CFAP299: variants seen among roughly 807,000 people sequenced by gnomAD.
CFAP299 encodes the protein cilia and flagella associated protein 299.
A neutral mutation model predicts 27.0 loss-of-function variants in CFAP299; 21 were observed. The ratio of observed to expected loss-of-function variants is 0.78; its 90% CI spans 0.55 to 1.12. The LOEUF is 1.12. Ranked by LOEUF, CFAP299 falls within the 50% of genes most tolerant of loss-of-function variation. The pLI is 0.00. For synonymous variants in CFAP299, 104 were observed against 98.1 expected (o/e 1.06, Z -0.36); for missense variants, 310 against 276.6 (o/e 1.12, Z -0.86).
chr4:80,688,567 A>T (rs1277157987), intron 3 of CFAP299, among the ~76,000 whole-genome samples: 1 of 152,240 alleles, frequency 6.6e-6, no homozygotes, highest in African/African-American at 2.4e-5. Flanking sequence ...CAAAGACAAA[A>T]GTAGATAAAA....
At chr4:80,365,509 C>T (rs190803418) in intron 2 of CFAP299, among the ~76,000 whole-genome samples, 594 of 152,296 alleles carry the variant, frequency 3.9e-3, no homozygotes, top group Middle Eastern at 6.8e-3. Flanking sequence ...GAGAAAGGGG[C>T]ATTCTGCTTA....
chr4:80,952,652 G>A (rs1448499841), intron 5 of CFAP299, among the ~76,000 whole-genome samples: 4 of 151,860 alleles, frequency 2.6e-5, no homozygotes, highest in Admixed American at 2.6e-4. Context: ...AGACACATAA[G>A]GTTTAAAATT....
At chr4:80,565,415 A>G (rs1211899016) in intron 2 of CFAP299, among the ~76,000 whole-genome samples, 1 of 152,088 alleles carries the variant, frequency 6.6e-6, no homozygotes, top group Non-Finnish European at 1.5e-5. Context: ...TAAAAACAAT[A>G]TGAACAGTTG....
chr4:80,912,659 C>A (rs903038359), intron 4 of CFAP299, among the ~76,000 whole-genome samples: 2 of 152,160 alleles, frequency 1.3e-5, no homozygotes, highest in African/African-American at 4.8e-5. Flanking sequence ...CAGTGGTTAA[C>A]CCAGAGCTCT....
chr4:80,560,014 G>A (rs1734962010), intron 2 of CFAP299, among the ~76,000 whole-genome samples: 1 of 152,050 alleles, frequency 6.6e-6, no homozygotes, highest in Non-Finnish European at 1.5e-5. Flanking sequence ...GGGAGTGCTG[G>A]CAACATCCCT....
chr4:80,512,163 TAAA>T, intron 2 of CFAP299, among the ~76,000 whole-genome samples: 1 of 152,102 alleles, frequency 6.6e-6, no homozygotes, highest in East Asian at 1.9e-4. Flanking sequence ...GAGGAAATAG[TAAA>T]AAATCAATTT....
At chr4:80,799,436 T>C (rs1560416514) in intron 3 of CFAP299, among the ~76,000 whole-genome samples, 1 of 92,302 alleles carries the variant, frequency 1.1e-5, no homozygotes, top group African/African-American at 4.6e-5. Flanking sequence ...ATAATATATA[T>C]AATATTTATA....
chr4:80,591,151 T>G (rs1217103668), intron 3 of CFAP299, among the ~76,000 whole-genome samples: 2 of 131,422 alleles, frequency 1.5e-5, no homozygotes, highest in Non-Finnish European at 1.6e-5. Context: ...TGAGACGGAG[T>G]CTCGCTCTGT....
At chr4:80,442,199 C>T (rs563351375) in intron 2 of CFAP299, among the ~76,000 whole-genome samples, 2 of 152,204 alleles carry the variant, frequency 1.3e-5, no homozygotes, top group African/African-American at 4.8e-5. Context: ...GAGCTCTGGA[C>T]CAAGCAGACC....
At chr4:80,957,707 A>T (rs1337548284) in intron 5 of CFAP299, among the ~76,000 whole-genome samples, 1 of 152,186 alleles carries the variant, frequency 6.6e-6, no homozygotes, top group Non-Finnish European at 1.5e-5. Flanking sequence ...ATTGTAATAT[A>T]GATCATAAGT....
intron 4 of CFAP299, among the ~76,000 whole-genome samples, chr4:80,937,308 C>CTTTATTTTTTTTTTTTT (rs1736948672): frequency 1.1e-5 from 1 of 90,784 alleles, no homozygotes; most frequent in African/African-American, 5.1e-5. Context: ...CTTTTTTTTT[C>CTTTATTTTTTTTTTTTT]TTTCTTTTTT....
upstream of CFAP299, among the ~76,000 whole-genome samples, chr4:80,332,300 G>A (rs956809708): frequency 2.0e-5 from 3 of 152,174 alleles, no homozygotes; most frequent in Non-Finnish European, 2.9e-5. Context: ...GTAAAGGGCA[G>A]GAAAGCCTAT....
At chr4:80,323,802 G>A in the CFAP299 span, among the ~76,000 whole-genome samples, 1 of 151,998 alleles carries the variant, frequency 6.6e-6, no homozygotes, top group African/African-American at 2.4e-5. Context: ...TATATTTTTA[G>A]TCTGTTTTAA....
At chr4:80,959,822 GA>G (rs1578269434) in intron 5 of CFAP299, among the ~76,000 whole-genome samples, 1 of 151,368 alleles carries the variant, frequency 6.6e-6, no homozygotes, top group Non-Finnish European at 1.5e-5. Context: ...GCAAAAATCA[GA>G]AAAAAATAAT....
chr4:80,770,898 T>C lies in CFAP299; in HGVS notation c.334-99095T>C, dbSNP rs1726174631. On this transcript the variant is annotated intron_variant, in intron 3 of 5. Transcript: ENST00000358105. Reference sequence around the variant, plus strand: ...GGCTCCCTCCATAGATTCTCCAGCATTTTCAATCTTTCTGACCGCAAGCAT... The same window carrying C: ...GGCTCCCTCCATAGATTCTCCAGCACTTTCAATCTTTCTGACCGCAAGCAT... Among the ~76,000 whole-genome samples, 3 of 152,174 alleles carry C rather than the reference T, an allele frequency of 2.0e-5. No individual in the cohort carries two copies. The South Asian group carries it at 6.2e-4, about 31-fold the overall frequency.
At position 80,493,482 on chromosome 4, in the gene CFAP299, T is replaced by C. The variant is rs182840690; in HGVS notation, c.243-89611T>C. Among the ~76,000 whole-genome samples, 551 of 152,232 alleles carry C rather than the reference T, an allele frequency of 3.6e-3. 2 individuals carry two copies. The highest frequency in any genetic ancestry group is 5.3e-3 in the Non-Finnish European group (360 of 68,004). On this transcript the variant is annotated intron_variant, in intron 2 of 5. Transcript: ENST00000358105. ...TCAGGGCAGAGCAGATAGCAGGTAA[T>C]TGGAATGAGTTAGGGTGGAGCAGGT...
intron 1 of CFAP299, among the ~76,000 whole-genome samples, chr4:80,341,050 A>G (rs1560520419): frequency 6.6e-6 from 1 of 152,172 alleles, no homozygotes; most frequent in South Asian, 2.1e-4. Context: ...TGCCAGGATT[A>G]CAGGTGTGAG....
At chr4:80,496,972 A>G (rs977463883) in intron 2 of CFAP299, among the ~76,000 whole-genome samples, 3 of 152,184 alleles carry the variant, frequency 2.0e-5, no homozygotes, top group African/African-American at 7.2e-5. Context: ...AAAACCTACT[A>G]TCACAAAGAC....
intron 1 of CFAP299, among the ~76,000 whole-genome samples, chr4:80,358,873 A>G (rs1166059043): frequency 6.6e-6 from 1 of 152,052 alleles, no homozygotes; most frequent in East Asian, 1.9e-4. Flanking sequence ...AGTTTTAGCT[A>G]GTTATTTTGC....
Sources: gnomAD v4.1 joint callset for allele counts (sites outside exome capture counted in the v4.1 genomes callset) on GRCh38, gnomAD v4.1.1 for gene constraint, MANE v1.5 for transcripts, NCBI Gene and HGNC (gene_info 2026-07-23, HGNC 2026-07-21) for gene names.